PAIP1: variants seen among roughly 807,000 people sequenced by gnomAD.
PAIP1 encodes the protein polyadenylate-binding protein-interacting protein 1.
Under a neutral mutation model 61.3 loss-of-function variants are expected in PAIP1, and 16 were observed. That is an observed-to-expected ratio of 0.26 (90% CI 0.18 to 0.40). The LOEUF (loss-of-function observed/expected upper bound fraction) is 0.40, where lower values mean the gene tolerates loss of function less well. Among genes scored for constraint, PAIP1 ranks in the 10% least tolerant of loss-of-function variants. The pLI is 1.00. For missense variants in PAIP1, 416 were observed against 600.9 expected (o/e 0.69, Z 3.22); for synonymous variants, 187 against 226.2 (o/e 0.83, Z 1.56).
chr5:43,548,054 A>G, intron 2 of PAIP1, 141 bp from the exon 3 acceptor site: 1 of 584,136 alleles, frequency 1.7e-6, no homozygotes, highest in Non-Finnish European at 3.0e-6. Flanking sequence ...TTGTCAATTG[A>G]GCTATTTTTC....
intron 4 of PAIP1, among the ~76,000 whole-genome samples, chr5:43,541,024 GTTTC>G (rs1288632517): frequency 6.6e-6 from 1 of 151,088 alleles, no homozygotes; most frequent in East Asian, 1.9e-4. Flanking sequence ...TATAATTTGT[GTTTC>G]TTTAATTATA....
Position 43,538,952 on chromosome 5 carries a change from A to G in PAIP1, c.818T>C (p.Phe273Ser). The change falls in exon 5 of 11, where the codon TTT (phenylalanine) becomes TCT (serine). Residue 273 changes from phenylalanine to serine, a missense_variant. Around this residue, in one of 4 missense-constraint regions of PAIP1, gnomAD observed 135 missense variants for 283.9 expected, o/e 0.48. Coordinates refer to ENST00000306846, the MANE Select transcript of PAIP1 (RefSeq NM_006451.5). ...TRKRFHAFVL[F>S]LGELYLNLEI... ...CAGGTTAAGATAAAGTTCTCCCAGA[A>G]AGAGTACAAATGCATGAAATCGTTT... 1 of 1,609,150 alleles carries G rather than the reference A, an allele frequency of 6.2e-7. No individual in the cohort carries two copies. The highest frequency in any genetic ancestry group is 8.5e-7 in the Non-Finnish European group (1 of 1,176,982).
In PAIP1 at chr5:43,535,519, T is replaced by TA; in HGVS notation, c.1079+14dup. The TA allele has an allele frequency of 7.3e-7, 1 of 1,366,634 alleles. No homozygotes were observed. 84.7% of individuals were successfully genotyped at this position (1,366,634 alleles called of 1,614,324 possible). The stretch of plus-strand genomic sequence containing the variant: ...ATTGAGATGCACTGGCTATTTACAT[T>TA]ACTTCTTTTCCTACCTACTGCAGTT... On this transcript the variant is annotated intron_variant, in intron 7 of 10. Transcript: ENST00000306846.
intron 9 of PAIP1, among the ~76,000 whole-genome samples, chr5:43,532,101 G>T (rs555731820): frequency 2.0e-5 from 3 of 152,248 alleles, no homozygotes; most frequent in African/African-American, 7.2e-5. Flanking sequence ...TCTACTGGCT[G>T]TCTACATTAC....
intron 10 of PAIP1, among the ~76,000 whole-genome samples, chr5:43,527,793 A>G (rs577300679): frequency 1.8e-4 from 27 of 152,168 alleles, no homozygotes; most frequent in Admixed American, 3.3e-4. Flanking sequence ...ATATTAATAA[A>G]TTTACCTTAC....
At chr5:43,539,112 T>C in intron 4 of PAIP1, 77 bp from the exon 5 acceptor site, 1 of 949,202 alleles carries the variant, frequency 1.1e-6, no homozygotes. Flanking sequence ...CATTTGTCAG[T>C]TTGGTTGTCC....
rs6896527 is a variant in PAIP1, at chr5:43,536,544, T to C, written c.972+275A>G. 0.071 allele frequency among the ~76,000 whole-genome samples: 10,784 copies of C among 152,180 alleles called. 637 individuals are homozygous for C. Among genetic ancestry groups the C allele is most frequent in the African/African-American group, 0.16 (6,569 of 41,488 alleles). ...AAAGCCAGAACAGAGTAAGATCTTATTTAATAAGAGCACATATACAGAGAT... is the reference window on the plus strand; with the variant it reads ...AAAGCCAGAACAGAGTAAGATCTTACTTAATAAGAGCACATATACAGAGAT... On this transcript the variant is annotated intron_variant, in intron 6 of 10. Transcript: ENST00000306846.
At chr5:43,528,293 T>A (rs879317992) in intron 10 of PAIP1, among the ~76,000 whole-genome samples, 9 of 152,158 alleles carry the variant, frequency 5.9e-5, no homozygotes, top group Non-Finnish European at 1.3e-4. Context: ...TTTTCCTCCA[T>A]AACATGATTC....
intron 4 of PAIP1, among the ~76,000 whole-genome samples, chr5:43,540,400 A>G (rs995318617): frequency 4.0e-5 from 6 of 151,888 alleles, no homozygotes; most frequent in African/African-American, 1.2e-4. Flanking sequence ...TTTTTTTTTC[A>G]TAAAATGCTA....
At chr5:43,531,662 A>C (rs939278512) in intron 9 of PAIP1, among the ~76,000 whole-genome samples, 3 of 146,690 alleles carry the variant, frequency 2.0e-5, no homozygotes, top group Admixed American at 6.8e-5. Context: ...GTCTCAAAAA[A>C]AAAAAAAAAA....
chr5:43,547,947 T>G, intron 2 of PAIP1, 34 bp from the exon 3 acceptor site: 1 of 1,431,444 alleles, frequency 7.0e-7, no homozygotes, highest in Non-Finnish European at 9.7e-7. Context: ...AATTTTAATC[T>G]ATGCAACTGG....
rs1159722753 is a variant in PAIP1 at position 43,556,968 on chromosome 5, G to A, written c.-122C>T. 2 of 1,245,268 alleles carry A rather than the reference G, an allele frequency of 1.6e-6. No homozygotes were observed. Among genetic ancestry groups the A allele is most frequent in the Admixed American group, 4.3e-5 (1 of 23,448 alleles). The allele number at this position is 1,245,268 out of a possible 1,614,324, so 77.1% of individuals were successfully genotyped here. On this transcript the variant is annotated 5_prime_UTR_variant, in exon 1 of 11. Transcript: ENST00000306846. ...GCCTCACTCGGGCCTCATGGAGGAG[G>A]AGGGCGGCGGGCCCCGGCTCGGCTG...
intron 3 of PAIP1, among the ~76,000 whole-genome samples, chr5:43,547,088 C>T (rs533612088): frequency 7.9e-6 from 1 of 126,644 alleles, no homozygotes; most frequent in East Asian, 2.2e-4. Context: ...ATGTTAATGA[C>T]CAATATGCTG....
chr5:43,542,516 A>G (rs1315169826), intron 4 of PAIP1, among the ~76,000 whole-genome samples: 1 of 151,288 alleles, frequency 6.6e-6, no homozygotes, highest in Admixed American at 6.6e-5. Context: ...CCTGGGAGAC[A>G]AAGTGAGACT....
chr5:43,550,908 G>GA (rs1747844029), intron 2 of PAIP1, among the ~76,000 whole-genome samples: 1 of 113,200 alleles, frequency 8.8e-6, no homozygotes, highest in South Asian at 2.8e-4. Flanking sequence ...AACTAAGAAA[G>GA]AAAAAAAGAT....
At chr5:43,546,072 CT>C (rs1338186624) in intron 3 of PAIP1, among the ~76,000 whole-genome samples, 1 of 152,164 alleles carries the variant, frequency 6.6e-6, no homozygotes, top group Non-Finnish European at 1.5e-5. Flanking sequence ...TGCGCCTGGC[CT>C]AATCTGTCAT....
chr5:43,549,378 GA>G (rs1352730318), intron 2 of PAIP1, among the ~76,000 whole-genome samples: 2 of 152,162 alleles, frequency 1.3e-5, no homozygotes, highest in African/African-American at 4.8e-5. Context: ...TTGTGGGAGG[GA>G]CCCAGGAGGG....
At chr5:43,555,410 T>C (rs1054555560) in intron 2 of PAIP1, among the ~76,000 whole-genome samples, 3 of 152,264 alleles carry the variant, frequency 2.0e-5, no homozygotes, top group Admixed American at 1.3e-4. Context: ...CAACTGTGCT[T>C]TGTACGGCTA....
At chr5:43,541,754 A>T (rs1480703122) in intron 4 of PAIP1, among the ~76,000 whole-genome samples, 1 of 150,134 alleles carries the variant, frequency 6.7e-6, no homozygotes, top group Admixed American at 6.6e-5. Context: ...TCAAATTATA[A>T]GAAAACTAGT....
Sources: gnomAD v4.1 joint callset for allele counts (sites outside exome capture counted in the v4.1 genomes callset) on GRCh38, gnomAD v4.1.1 for gene constraint, gnomAD v4.1.1 regional missense constraint, MANE v1.5 for transcripts, NCBI Gene and HGNC (gene_info 2026-07-23, HGNC 2026-07-21) for gene names.